The following MED12L variants were observed in gnomAD, a reference collection of about 807,000 sequenced individuals.
MED12L encodes mediator complex subunit 12L.
In MED12L, 60 loss-of-function variants were observed where a neutral mutation model predicts 281.3. That is an observed-to-expected ratio of 0.21 (90% CI 0.17 to 0.26). MED12L has a LOEUF of 0.26. MED12L is among the 10% of genes least tolerant of loss of function. MED12L has a pLI of 1.00. For missense variants in MED12L, 2,146 were observed against 2,680.9 expected (o/e 0.80, Z 4.41); for synonymous variants, 974 against 987.2 (o/e 0.99, Z 0.25).
chr3:151,301,341 C>A (rs1196847852), intron 16 of MED12L, among the ~76,000 whole-genome samples: 1 of 152,196 alleles, frequency 6.6e-6, no homozygotes, highest in Middle Eastern at 3.4e-3. Flanking sequence ...AAGGAAATTG[C>A]CTGATAGACA....
chr3:151,188,732 T>C (rs1389595409), intron 13 of MED12L, among the ~76,000 whole-genome samples: 1 of 152,234 alleles, frequency 6.6e-6, no homozygotes, highest in Non-Finnish European at 1.5e-5. Context: ...AAGTAAGGTC[T>C]TGTGACATTT....
At chr3:151,351,375 C>T (rs1753216979) in intron 17 of MED12L, among the ~76,000 whole-genome samples, 1 of 152,180 alleles carries the variant, frequency 6.6e-6, no homozygotes, top group African/African-American at 2.4e-5. Context: ...GTTATCCTTC[C>T]TGTTATTCAC....
Position 151,296,350 on chromosome 3 carries a change from G to A in MED12L, c.2251-53709G>A, listed in dbSNP as rs145985875. Among the ~76,000 whole-genome samples, 1,134 of 152,228 alleles carry A rather than the reference G, an allele frequency of 7.4e-3. 5 individuals carry two copies. Among genetic ancestry groups the A allele is most frequent in the Non-Finnish European group, 0.012 (804 of 68,028 alleles). ...GGGCCTCTCATGTCTCCTACTGTGG[G>A]GAGCATGATGGACAGGTAGCTCCTG... is the stretch of plus-strand genomic sequence containing the variant. On this transcript the variant is annotated intron_variant, in intron 16 of 44. Transcript: ENST00000687756.
At chr3:151,291,573 A>T (rs565159480) in intron 16 of MED12L, among the ~76,000 whole-genome samples, 1 of 152,184 alleles carries the variant, frequency 6.6e-6, no homozygotes, top group East Asian at 1.9e-4. Flanking sequence ...AGATTCTGAA[A>T]TACTGAATGT....
chr3:151,147,798 A>C (rs1195460902), intron 5 of MED12L, among the ~76,000 whole-genome samples: 1 of 152,172 alleles, frequency 6.6e-6, no homozygotes, highest in Non-Finnish European at 1.5e-5. Context: ...TTTGGTTATA[A>C]TGAACATCCT....
At chr3:151,183,155 A>C (rs1001818660) in intron 11 of MED12L, among the ~76,000 whole-genome samples, 5 of 152,170 alleles carry the variant, frequency 3.3e-5, no homozygotes, top group African/African-American at 1.2e-4. Flanking sequence ...CTTTTGCATG[A>C]TAAAAGCAGA....
chr3:151,333,857 A>T (rs1750627555), intron 16 of MED12L, among the ~76,000 whole-genome samples: 1 of 151,950 alleles, frequency 6.6e-6, no homozygotes, highest in Non-Finnish European at 1.5e-5. Flanking sequence ...AGATGAGTGG[A>T]TCATGAGGTC....
intron 5 of MED12L, among the ~76,000 whole-genome samples, chr3:151,149,017 T>A (rs1471212334): frequency 4.6e-5 from 7 of 152,186 alleles, no homozygotes; most frequent in African/African-American, 1.7e-4. Context: ...CAGTGGTGAG[T>A]TTAAACTACA....
intron 16 of MED12L, among the ~76,000 whole-genome samples, chr3:151,312,508 A>G (rs1195759945): frequency 2.6e-5 from 4 of 152,158 alleles, no homozygotes; most frequent in African/African-American, 9.7e-5. Context: ...GGTACCCTCT[A>G]GACTCAAGGA....
chr3:151,409,093 A>G, intron 39 of MED12L, 150 bp from the exon 40 acceptor site: 1 of 605,374 alleles, frequency 1.7e-6, no homozygotes, highest in Admixed American at 3.1e-5. Flanking sequence ...TAGGATATTG[A>G]TGAGAAATAA....
intron 5 of MED12L, among the ~76,000 whole-genome samples, chr3:151,141,315 C>A (rs1051317014): frequency 2.0e-5 from 3 of 151,604 alleles, no homozygotes; most frequent in African/African-American, 7.3e-5. Context: ...AGCCACTGGG[C>A]CTGGCCAGTT....
At chr3:151,305,912 G>T (rs1746573155) in intron 16 of MED12L, among the ~76,000 whole-genome samples, 1 of 152,136 alleles carries the variant, frequency 6.6e-6, no homozygotes, top group South Asian at 2.1e-4. Context: ...TTTGAAAGAT[G>T]AGAAGATTTG....
rs191245035 is a variant in MED12L, at chr3:151,126,343, C to T, written c.397-1482C>T. ...ATAGTCCTGAGCTGCCGTGCAGGGC[C>T]TATATGCTGCATCTTACTGTGCAAC... On this transcript the variant is annotated intron_variant, in intron 4 of 44. Transcript: ENST00000687756. Among the ~76,000 whole-genome samples, 191 of 152,274 alleles carry T rather than the reference C, an allele frequency of 1.3e-3. 1 individual carries two copies. Among genetic ancestry groups the T allele is most frequent in the African/African-American group, 4.1e-3 (170 of 41,544 alleles).
At chr3:151,247,607 T>G (rs1343277030) in intron 16 of MED12L, among the ~76,000 whole-genome samples, 1 of 80,498 alleles carries the variant, frequency 1.2e-5, no homozygotes, top group Non-Finnish European at 2.5e-5. Context: ...CTCCGGGGAC[T>G]GTTGTGGGGT....
At chr3:151,132,759 A>G (rs192837840) in intron 5 of MED12L, among the ~76,000 whole-genome samples, 1 of 152,338 alleles carries the variant, frequency 6.6e-6, no homozygotes, top group Admixed American at 6.5e-5. Context: ...CAAATATCTA[A>G]TCTTGTTTTA....
chr3:151,144,731 ATCTTCACC>A (rs1717534727), intron 5 of MED12L, among the ~76,000 whole-genome samples: 1 of 152,028 alleles, frequency 6.6e-6, no homozygotes, highest in East Asian at 1.9e-4. Context: ...GGCTGGTCAT[ATCTTCACC>A]TCTTCACCTC....
At chr3:151,162,342 T>C (rs1217104102) in intron 8 of MED12L, among the ~76,000 whole-genome samples, 2 of 152,216 alleles carry the variant, frequency 1.3e-5, no homozygotes, top group African/African-American at 2.4e-5. Context: ...ATTCTTTGTA[T>C]CTGCTATCTG....
chr3:151,194,210 G>A (rs562729242), intron 16 of MED12L, among the ~76,000 whole-genome samples: 18 of 152,110 alleles, frequency 1.2e-4, no homozygotes, highest in African/African-American at 3.1e-4. Context: ...CAGGTGATCC[G>A]TCCGCCTAGG....
At chr3:151,117,721 A>G (rs1211211593) in intron 3 of MED12L, among the ~76,000 whole-genome samples, 10 of 152,072 alleles carry the variant, frequency 6.6e-5, no homozygotes, top group Non-Finnish European at 1.5e-5. Context: ...ACTCTCATTA[A>G]AAGTGTATAC....
Sources: allele counts gnomAD v4.1 joint callset (sites outside exome capture counted in the v4.1 genomes callset), GRCh38; gene constraint gnomAD v4.1.1; transcripts MANE v1.5; gene names NCBI Gene and HGNC (gene_info 2026-07-23, HGNC 2026-07-21).